SLC14A2: variants seen among roughly 807,000 people sequenced by gnomAD.
The protein encoded by SLC14A2 is solute carrier family 14 member 2.
SLC14A2 carries 91 observed loss-of-function variants against 104.6 expected under a neutral mutation model. The observed-to-expected ratio is 0.87, with a 90% CI of 0.73 to 1.04. The LOEUF (loss-of-function observed/expected upper bound fraction) is 1.04. Among genes scored for constraint, SLC14A2 ranks in the 50% least tolerant of loss-of-function variants. The pLI is 0.00. For synonymous variants in SLC14A2, 476 were observed against 466.4 expected, an observed-to-expected ratio of 1.02 and a Z score of -0.27; for missense variants, 1,189 against 1,156.0, an observed-to-expected ratio of 1.03 and a Z score of -0.41.
chr18:45,169,626 A>G, the SLC14A2 span, among the ~76,000 whole-genome samples: 2 of 152,312 alleles, frequency 1.3e-5, no homozygotes, highest in African/African-American at 4.8e-5. Context: ...ATATGATGAT[A>G]TTCTGCCAAA....
intron 1 of SLC14A2, among the ~76,000 whole-genome samples, chr18:45,219,531 A>G (rs2084041871): frequency 6.6e-6 from 1 of 152,228 alleles, no homozygotes; most frequent in African/African-American, 2.4e-5. Context: ...TATCAAAGCC[A>G]TGAGTAAAAT....
chr18:45,499,361 A>C (rs947452317), intron 2 of SLC14A2, among the ~76,000 whole-genome samples: 1 of 152,236 alleles, frequency 6.6e-6, no homozygotes, highest in Non-Finnish European at 1.5e-5. Flanking sequence ...TGGCTGATCC[A>C]CACTACACTT....
intron 1 of SLC14A2, among the ~76,000 whole-genome samples, chr18:45,431,713 C>A (rs944420589): frequency 1.3e-5 from 2 of 152,196 alleles, no homozygotes; most frequent in African/African-American, 4.8e-5. Flanking sequence ...AGGAAACAAG[C>A]AGTGCCCACA....
chr18:45,515,726 A>G (rs1245795420), intron 2 of SLC14A2: 1 of 152,274 alleles, frequency 6.6e-6, no homozygotes, highest in African/African-American at 2.4e-5. Context: ...ATGTAGACAC[A>G]TTGGGCCCGG....
intron 1 of SLC14A2, among the ~76,000 whole-genome samples, chr18:45,405,538 A>C (rs1182313462): frequency 6.6e-6 from 1 of 152,224 alleles, no homozygotes; most frequent in Non-Finnish European, 1.5e-5. Context: ...TAGTCTATTA[A>C]GTGTGCAATA....
At chr18:45,186,387 G>A in the SLC14A2 span, among the ~76,000 whole-genome samples, 10 of 152,078 alleles carry the variant, frequency 6.6e-5, no homozygotes, top group African/African-American at 1.4e-4. Context: ...TATATGGTAC[G>A]AAACAACTGA....
chr18:45,528,259 A>C (rs1310664549), intron 2 of SLC14A2: 1 of 147,072 alleles, frequency 6.8e-6, no homozygotes, highest in East Asian at 2.0e-4. Context: ...ATCCCTTTTT[A>C]TCTGGAGGGC....
intron 1 of SLC14A2, among the ~76,000 whole-genome samples, chr18:45,355,987 G>A (rs184395763): frequency 6.6e-6 from 1 of 152,306 alleles, no homozygotes; most frequent in African/African-American, 2.4e-5. Context: ...ACATAACTGG[G>A]GCAGGGGTTG....
chr18:45,639,789 G>T lies in SLC14A2; in HGVS notation c.887G>T (p.Cys296Phe). ...GTTGGGGTCGGCCAGGTGTATGGCTGTGACAATCCCTGGACAGGCGGCGTG... is the reference window on the plus strand; with the variant it reads ...GTTGGGGTCGGCCAGGTGTATGGCTTTGACAATCCCTGGACAGGCGGCGTG... ...IPVGVGQVYG[C>F]DNPWTGGVFL... Residue 296 changes from cysteine (C) to phenylalanine (F), a missense_variant, in exon 7 of 20, where the codon TGT becomes TTT. Transcript: ENST00000255226. 1.2e-6 allele frequency: 2 copies of T among 1,614,020 alleles called. No homozygotes were observed. Among genetic ancestry groups the T allele is most frequent in the Non-Finnish European group, 1.7e-6 (2 of 1,180,008 alleles).
At chr18:45,470,338 CTTTAT>C (rs780800929) in intron 1 of SLC14A2, among the ~76,000 whole-genome samples, 2 of 152,142 alleles carry the variant, frequency 1.3e-5, no homozygotes, top group African/African-American at 2.4e-5. Context: ...TTTCCAGTCA[CTTTAT>C]TTTAATTGTG....
chr18:45,344,646 C>G (rs1454263151), intron 1 of SLC14A2, among the ~76,000 whole-genome samples: 3 of 152,082 alleles, frequency 2.0e-5, no homozygotes, highest in Non-Finnish European at 4.4e-5. Context: ...AGTAAGGTAC[C>G]TTATGATAAA....
chr18:45,657,308 C>G (rs150276666), intron 10 of SLC14A2, among the ~76,000 whole-genome samples: 108 of 150,440 alleles, frequency 7.2e-4, no homozygotes, highest in African/African-American at 2.6e-3. Flanking sequence ...CCCATCTCTA[C>G]TAAAAATACA....
intron 1 of SLC14A2, among the ~76,000 whole-genome samples, chr18:45,460,517 A>G (rs1198449301): frequency 7.9e-5 from 12 of 152,366 alleles, no homozygotes; most frequent in Non-Finnish European, 5.9e-5. Context: ...ACTTATGGGA[A>G]AATAGGGTTG....
intron 2 of SLC14A2, among the ~76,000 whole-genome samples, chr18:45,596,887 A>G (rs1223948238): frequency 6.6e-6 from 1 of 151,870 alleles, no homozygotes. Flanking sequence ...GCTGCTCTGC[A>G]CTCCTCACCA....
intron 1 of SLC14A2, among the ~76,000 whole-genome samples, chr18:45,475,656 T>G (rs866507093): frequency 0.012 from 795 of 65,556 alleles, 1 homozygote; most frequent in Non-Finnish European, 0.018. Context: ...TATATATATA[T>G]ATATATATAT....
At chr18:45,598,946 C>T (rs913426236) in intron 2 of SLC14A2, among the ~76,000 whole-genome samples, 1 of 152,162 alleles carries the variant, frequency 6.6e-6, no homozygotes. Context: ...ATATTAAACT[C>T]GTTTTCTCTT....
At chr18:45,237,191 C>A (rs1236001651) in intron 1 of SLC14A2, among the ~76,000 whole-genome samples, 1 of 152,124 alleles carries the variant, frequency 6.6e-6, no homozygotes, top group Non-Finnish European at 1.5e-5. Flanking sequence ...CGCCAATAAA[C>A]ACATGAGGGC....
At chr18:45,267,321 C>T (rs906367855) in intron 1 of SLC14A2, among the ~76,000 whole-genome samples, 15 of 152,078 alleles carry the variant, frequency 9.9e-5, no homozygotes, top group Admixed American at 3.9e-4. Flanking sequence ...CCATGCTCTG[C>T]GGCCTCATTT....
intron 4 of SLC14A2, among the ~76,000 whole-genome samples, chr18:45,628,161 T>G (rs1352729218): frequency 6.6e-6 from 1 of 152,078 alleles, no homozygotes; most frequent in East Asian, 1.9e-4. Context: ...AGAAATAGTT[T>G]CAGGCTGGGC....
Sources: gnomAD v4.1 joint callset for allele counts (sites outside exome capture counted in the v4.1 genomes callset) on GRCh38, gnomAD v4.1.1 for gene constraint, MANE v1.5 for transcripts, NCBI Gene and HGNC (gene_info 2026-07-23, HGNC 2026-07-21) for gene names.